CCL25: variants seen among roughly 807,000 people sequenced by gnomAD.
CCL25 encodes the protein C-C motif chemokine ligand 25.
A neutral mutation model predicts 19.9 loss-of-function variants in CCL25; 14 were observed. The observed-to-expected ratio is 0.70, with a 90% CI of 0.47 to 1.10. The LOEUF (loss-of-function observed/expected upper bound fraction) is 1.10. Among genes scored for constraint, CCL25 ranks in the 50% least tolerant of loss-of-function variants. The pLI is 0.00. For synonymous variants in CCL25, 68 were observed against 73.2 expected (o/e 0.93, Z 0.36); for missense variants, 151 against 181.2 (o/e 0.83, Z 0.96).
At chr19:8,061,011 A>G (rs2081314686) in intron 5 of CCL25, among the ~76,000 whole-genome samples, 1 of 107,004 alleles carries the variant, frequency 9.3e-6, no homozygotes, top group Non-Finnish European at 1.9e-5. Flanking sequence ...TTTGAGACAG[A>G]GTCTCACTCT....
intron 5 of CCL25, among the ~76,000 whole-genome samples, chr19:8,059,153 T>TATATATAAATATATATTATATA (rs2081300296): frequency 1.4e-3 from 109 of 77,742 alleles, no homozygotes; most frequent in Admixed American, 4.8e-3. Flanking sequence ...TAATATATAA[T>TATATATAAATATATATTATATA]ATATATAATA....
At chr19:8,062,046 CAA>C (rs34907151) in intron 5 of CCL25, among the ~76,000 whole-genome samples, 170 bp from the exon 6 acceptor site, 294 of 60,512 alleles carry the variant, frequency 4.9e-3, no homozygotes, top group African/African-American at 0.018. Context: ...GAGACTGTCT[CAA>C]AAAAAAAAAA....
rs566292659 is a variant in CCL25 at position 8,053,871 on chromosome 19, G to C, written c.73+749G>C. 1.2e-4 allele frequency among the ~76,000 whole-genome samples: 18 copies of C among 152,150 alleles called. No homozygotes were observed. The South Asian group carries it at 2.7e-3, about 23-fold the overall frequency. Reference sequence around the variant, plus strand: ...GCTTCCTAAACCTTTAGGAGCCTCCGTTTCCTCAGCTGCAAAGTGGGAATC... The same window carrying C: ...GCTTCCTAAACCTTTAGGAGCCTCCCTTTCCTCAGCTGCAAAGTGGGAATC... On this transcript the variant is annotated intron_variant, in intron 2 of 5. Transcript: ENST00000315626.
At position 8,056,402 on chromosome 19, in the gene CCL25, G is replaced by A. The variant is rs370116383; in HGVS notation, c.228G>A (p.Gly76=). 2.5e-6 allele frequency: 4 copies of A among 1,613,818 alleles called. No individual in the cohort carries two copies. The African/African-American group carries it at 5.3e-5, about 22-fold the overall frequency. The part of the protein sequence containing the change: ...YLPKRHRKVC[G]NPKSREVQRA... ...CCAAGAGACACAGGAAGGTGTGTGG[G>A]AACCCCAAAAGCAGGGAGGTGCAGA... The change falls in exon 4 of 6, where the codon GGG becomes GGA. Residue 76 remains glycine (G), a synonymous_variant. Transcript: ENST00000315626.
In CCL25 at chr19:8,057,859, G is replaced by C. The variant is rs762315293; in HGVS notation, c.384G>C (p.Lys128Asn). 9 of 1,613,432 alleles carry C rather than the reference G, an allele frequency of 5.6e-6. No homozygotes were observed. In the African/African-American group the frequency reaches 1.2e-4, roughly 22 times the overall value. ...SSGNSKLSSS[K>N]FSNPISSSKR... Reference sequence around the variant, plus strand: ...GAAACTCCAAGTTATCATCGTCCAAGTTTAGCAATCCCATCAGCAGCAGTA... The same window carrying C: ...GAAACTCCAAGTTATCATCGTCCAACTTTAGCAATCCCATCAGCAGCAGTA... The change falls in exon 5 of 6, where the codon AAG becomes AAC. Residue 128 changes from lysine to asparagine, a missense_variant. By Grantham distance (94) the Lys-to-Asn change is moderately conservative. Transcript: ENST00000315626.
chr19:8,057,068 T>C (rs1023720276), intron 4 of CCL25, among the ~76,000 whole-genome samples: 2 of 152,218 alleles, frequency 1.3e-5, no homozygotes, highest in Non-Finnish European at 2.9e-5. Flanking sequence ...TCATCCAGGC[T>C]GGAGTGCAGT....
At chr19:8,055,354 G>C (rs536554775) in intron 2 of CCL25, among the ~76,000 whole-genome samples, 105 of 135,044 alleles carry the variant, frequency 7.8e-4, no homozygotes, top group African/African-American at 2.5e-3. Context: ...GTTTTGTTTT[G>C]AGACGGTGTC....
At chr19:8,053,241 G>T in intron 2 of CCL25, 119 bp downstream of exon 2, 1 of 573,914 alleles carries the variant, frequency 1.7e-6, no homozygotes, top group South Asian at 3.0e-5. Context: ...GAATTCTCCC[G>T]CTCCTGACAT....
At chr19:8,058,124 G>A (rs1015688182) in intron 5 of CCL25, among the ~76,000 whole-genome samples, 1 of 151,768 alleles carries the variant, frequency 6.6e-6, no homozygotes, top group Non-Finnish European at 1.5e-5. Context: ...CACAGCAAGT[G>A]AGAAAGTAAA....
At position 8,056,424 on chromosome 19, in the gene CCL25, CAG is replaced by C; in HGVS notation, c.255_256del (p.Arg85SerfsTer10). On this transcript the variant is annotated frameshift_variant, in exon 4 of 6. Coordinates refer to ENST00000315626, the MANE Select transcript of CCL25 (RefSeq NM_005624.4). LOFTEE classifies it high-confidence loss of function. ...VCGNPKSREV[Q>X]RAMKLLDARN... ...TGGGAACCCCAAAAGCAGGGAGGTG[CAG>C]AGAGCCATGAAGCTCCTGGATGCTC... 6.2e-7 allele frequency: 1 copy of C among 1,614,088 alleles called. No homozygotes were observed. The highest frequency in any genetic ancestry group is 8.5e-7 in the Non-Finnish European group (1 of 1,179,994).
intron 5 of CCL25, among the ~76,000 whole-genome samples, chr19:8,060,989 T>A (rs1404979897): frequency 1.5e-5 from 2 of 135,152 alleles, no homozygotes; most frequent in South Asian, 2.5e-4. Flanking sequence ...CTAATTTTTT[T>A]TTTTTTTTTT....
intron 4 of CCL25, 65 bp downstream of exon 4, chr19:8,056,564 T>C: frequency 6.3e-7 from 1 of 1,584,988 alleles, no homozygotes; most frequent in Non-Finnish European, 8.6e-7. Flanking sequence ...CCATGTGTGG[T>C]TCAGACCCCG....
Position 8,056,903 on chromosome 19 carries a change from C to T in CCL25, c.325+404C>T, listed in dbSNP as rs758664570. Among the ~76,000 whole-genome samples the T allele has an allele frequency of 3.9e-5, 6 of 152,304 alleles. No individual in the cohort carries two copies. The East Asian group carries it at 5.8e-4, about 15-fold the overall frequency. ...TGTCACCCACGCTGGAGTGCAATGG[C>T]GCCATCACAGCTCACTGAAGCCTTG... On this transcript the variant is annotated intron_variant, in intron 4 of 5. Coordinates refer to ENST00000315626, the MANE Select transcript of CCL25 (RefSeq NM_005624.4).
In CCL25 at chr19:8,062,381, C is replaced by T; in HGVS notation, c.*156C>T. ...TGGTCCTCCCTCTGCACCCCCACCACCTCCTGCCCGTCTGGCAACTGGAAA... is the reference window on the plus strand; with the variant it reads ...TGGTCCTCCCTCTGCACCCCCACCATCTCCTGCCCGTCTGGCAACTGGAAA... On this transcript the variant is annotated 3_prime_UTR_variant, in exon 6 of 6. Coordinates refer to ENST00000315626, the MANE Select transcript of CCL25 (RefSeq NM_005624.4). 2 of 720,350 alleles carry T rather than the reference C, an allele frequency of 2.8e-6. No individual in the cohort carries two copies. Among genetic ancestry groups the T allele is most frequent in the South Asian group, 1.7e-5 (1 of 58,240 alleles). The allele number at this position is 720,350 out of a possible 1,614,324, so 44.6% of individuals were successfully genotyped here. A position where few individuals can be genotyped will look rare whatever the true frequency, so the allele number is the denominator to read the frequency against.
chr19:8,062,273 C>T lies in CCL25; in HGVS notation c.*48C>T. Reference sequence around the variant, plus strand: ...TCGGCACAGGAGGGGCCGGATCTTTCTCCGATAAAACCGTCGCCCTACAGA... The same window carrying T: ...TCGGCACAGGAGGGGCCGGATCTTTTTCCGATAAAACCGTCGCCCTACAGA... On this transcript the variant is annotated 3_prime_UTR_variant, in exon 6 of 6. Transcript: ENST00000315626. The T allele has an allele frequency of 1.2e-6, 2 of 1,610,650 alleles. No individual in the cohort carries two copies. The highest frequency in any genetic ancestry group is 1.7e-5 in the Admixed American group (1 of 59,980).
At chr19:8,061,042 T>C (rs1046335903) in intron 5 of CCL25, among the ~76,000 whole-genome samples, 3 of 141,570 alleles carry the variant, frequency 2.1e-5, no homozygotes, top group Non-Finnish European at 1.5e-5. Context: ...TTGGAGTGCA[T>C]GGTGCAATCA....
intron 5 of CCL25, among the ~76,000 whole-genome samples, chr19:8,059,144 A>G (rs1176564951): frequency 2.2e-5 from 1 of 45,722 alleles, no homozygotes; most frequent in Admixed American, 2.5e-4. Context: ...TATATTATAT[A>G]ATATATAATA....
At chr19:8,062,067 AAGTTAGCAT>A in intron 5 of CCL25, 142 bp from the exon 6 acceptor site, 1 of 665,466 alleles carries the variant, frequency 1.5e-6, no homozygotes, top group Non-Finnish European at 2.5e-6. Flanking sequence ...AAAAAAAAAA[AAGTTAGCAT>A]AAAAGATTCT....
At chr19:8,058,301 CATATATAATATATAAGTAA>C (rs2081286842) in intron 5 of CCL25, among the ~76,000 whole-genome samples, 1 of 121,816 alleles carries the variant, frequency 8.2e-6, no homozygotes, top group African/African-American at 3.3e-5. Context: ...AATATATAAA[CATATATAATATATAAGTAA>C]ATATATAATA....
Sources: gnomAD v4.1 joint callset for allele counts (sites outside exome capture counted in the v4.1 genomes callset) on GRCh38, gnomAD v4.1.1 for gene constraint, MANE v1.5 for transcripts, NCBI Gene and HGNC (gene_info 2026-07-23, HGNC 2026-07-21) for gene names.